RASA2: variants seen among roughly 807,000 people sequenced by gnomAD.
The protein encoded by RASA2 is RAS p21 protein activator 2.
RASA2 carries 155 observed loss-of-function variants against 118.2 expected under a neutral mutation model. The ratio of observed to expected loss-of-function variants is 1.31; its 90% CI spans 1.15 to 1.50. The LOEUF is 1.50. Among genes scored for constraint, RASA2 ranks in the 40% most tolerant of loss-of-function variants. RASA2 has a pLI of 0.00. For synonymous variants in RASA2, 353 were observed against 349.1 expected (o/e 1.01, Z -0.12); for missense variants, 1,016 against 1,009.6 (o/e 1.01, Z -0.09).
Position 141,592,425 on chromosome 3 carries a change from T to C in RASA2, c.1933+5673T>C, listed in dbSNP as rs767441169. 8.5e-5 allele frequency among the ~76,000 whole-genome samples: 13 copies of C among 152,206 alleles called. 1 individual carries two copies. The highest frequency in any genetic ancestry group is 1.9e-4 in the Non-Finnish European group (13 of 68,026). On this transcript the variant is annotated intron_variant, in intron 19 of 23. Transcript: ENST00000286364. ...ATAGGAACTAAGATCAAAAAGATCA[T>C]AGAAGTGCTAGATTTTATAGGACCT... is the stretch of plus-strand genomic sequence containing the variant.
At chr3:141,597,837 A>T (rs1283653918) in intron 19 of RASA2, among the ~76,000 whole-genome samples, 1 of 151,120 alleles carries the variant, frequency 6.6e-6, no homozygotes, top group Non-Finnish European at 1.5e-5. Flanking sequence ...GACTGATAAA[A>T]GAAAAAAAAA....
intron 17 of RASA2, among the ~76,000 whole-genome samples, chr3:141,584,020 AAAAAGAAGAAG>A (rs916427136): frequency 1.3e-5 from 2 of 152,134 alleles, no homozygotes; most frequent in African/African-American, 4.8e-5. Context: ...TAGATTAAAA[AAAAAGAAGAAG>A]AAAAGAAAAG....
At chr3:141,540,666 T>C (rs1359700514) in intron 5 of RASA2, 57 bp downstream of exon 5, 2 of 1,465,372 alleles carry the variant, frequency 1.4e-6, no homozygotes, top group African/African-American at 1.4e-5. Flanking sequence ...TTGTATTCTT[T>C]CGATTTTAAG....
chr3:141,612,348 A>C lies in RASA2; in HGVS notation c.*35A>C. The C allele has an allele frequency of 6.6e-7, 1 of 1,520,346 alleles. No homozygotes were observed. The highest frequency in any genetic ancestry group is 9.0e-7 in the Non-Finnish European group (1 of 1,113,116). 94.2% of individuals were successfully genotyped at this position (1,520,346 alleles called of 1,614,324 possible). ...GATTGGTTCAGAAGAACTGGAAAAT[A>C]TTATTTTTCTTGGAGCTTTTCAATT... On this transcript the variant is annotated 3_prime_UTR_variant, in exon 24 of 24. Coordinates refer to ENST00000286364, the MANE Select transcript of RASA2 (RefSeq NM_006506.5).
intron 17 of RASA2, among the ~76,000 whole-genome samples, chr3:141,585,033 G>C (rs955945592): frequency 5.3e-5 from 8 of 152,032 alleles, no homozygotes; most frequent in African/African-American, 1.9e-4. Flanking sequence ...TCAGATTAAG[G>C]ATGTTCAACC....
intron 5 of RASA2, among the ~76,000 whole-genome samples, chr3:141,541,738 T>A (rs2082407632): frequency 1.3e-5 from 2 of 152,258 alleles, no homozygotes; most frequent in South Asian, 2.1e-4. Flanking sequence ...GACATGTCTC[T>A]TTAATCTCCT....
At chr3:141,582,428 T>C (rs983592181) in intron 17 of RASA2, among the ~76,000 whole-genome samples, 1 of 152,228 alleles carries the variant, frequency 6.6e-6, no homozygotes, top group Admixed American at 6.5e-5. Flanking sequence ...CAGACTTTTA[T>C]TGGCAGGATT....
intron 9 of RASA2, among the ~76,000 whole-genome samples, chr3:141,566,192 A>G (rs1459162897): frequency 1.3e-5 from 2 of 152,248 alleles, no homozygotes; most frequent in African/African-American, 4.8e-5. Flanking sequence ...TAAAATTATC[A>G]TTTTGATGAT....
rs1460190561 is a variant in RASA2, at chr3:141,513,080, AC to A, written c.251+801del. Among the ~76,000 whole-genome samples, 792 of 147,380 alleles carry A rather than the reference AC, an allele frequency of 5.4e-3. 8 individuals carry two copies. Among genetic ancestry groups the A allele is most frequent in the African/African-American group, 0.02 (758 of 38,788 alleles). On this transcript the variant is annotated intron_variant, in intron 2 of 23. Transcript: ENST00000286364. The stretch of plus-strand genomic sequence containing the variant: ...CTCCATCTCAGAAAAAAAAAAAAAA[AC>A]AAAAAAACGAAAAACAGGGTGTGGG...
chr3:141,535,931 A>G (rs770661410), intron 4 of RASA2, among the ~76,000 whole-genome samples: 4 of 152,214 alleles, frequency 2.6e-5, no homozygotes, highest in Non-Finnish European at 4.4e-5. Context: ...ACCTCTGTTC[A>G]TCTTATTTTC....
At chr3:141,586,217 A>T in intron 18 of RASA2, 119 bp downstream of exon 18, 1 of 882,098 alleles carries the variant, frequency 1.1e-6, no homozygotes, top group Non-Finnish European at 1.7e-6. Flanking sequence ...GAACTGCCAA[A>T]ATTAGCAGTC....
At chr3:141,582,864 T>C (rs1185555448) in intron 17 of RASA2, among the ~76,000 whole-genome samples, 1 of 152,230 alleles carries the variant, frequency 6.6e-6, no homozygotes, top group African/African-American at 2.4e-5. Context: ...AACTGAATCA[T>C]ATGCTATTCC....
chr3:141,610,477 A>AAATATATATATATATATATATT, intron 23 of RASA2, among the ~76,000 whole-genome samples: 1 of 114,816 alleles, frequency 8.7e-6, no homozygotes, highest in Non-Finnish European at 1.6e-5. Context: ...TTATATATAT[A>AAATATATATATATATATATATT]AATATATATA....
chr3:141,497,846 T>G (rs1276668673), intron 1 of RASA2, among the ~76,000 whole-genome samples: 3 of 150,980 alleles, frequency 2.0e-5, no homozygotes. Flanking sequence ...CACTCCAGCC[T>G]GGGTGACAAA....
chr3:141,566,542 C>G (rs1288082577), intron 9 of RASA2, among the ~76,000 whole-genome samples: 1 of 152,096 alleles, frequency 6.6e-6, no homozygotes, highest in Non-Finnish European at 1.5e-5. Flanking sequence ...TGGATTCGAA[C>G]AAACTGTAGA....
chr3:141,517,086 T>C (rs1427114294), intron 3 of RASA2, among the ~76,000 whole-genome samples: 2 of 152,182 alleles, frequency 1.3e-5, no homozygotes, highest in South Asian at 2.1e-4. Context: ...GGACTCTTTC[T>C]TACGGAGCAC....
chr3:141,540,970 A>G (rs1421652078), intron 5 of RASA2, among the ~76,000 whole-genome samples: 1 of 152,108 alleles, frequency 6.6e-6, no homozygotes, highest in Non-Finnish European at 1.5e-5. Context: ...AGCTAGAACT[A>G]ATGCCCACTC....
intron 17 of RASA2, among the ~76,000 whole-genome samples, chr3:141,585,027 A>C (rs1273305992): frequency 2.6e-5 from 4 of 152,144 alleles, no homozygotes; most frequent in African/African-American, 9.7e-5. Context: ...GATTTTTCAG[A>C]TTAAGGATGT....
At position 141,614,634 on chromosome 3, in the gene RASA2, G is replaced by A. The variant is rs1264054667; in HGVS notation, c.*2321G>A. On this transcript the variant is annotated 3_prime_UTR_variant, in exon 24 of 24. Transcript: ENST00000286364. Reference sequence around the variant, plus strand: ...AAATTTGCCATAAATGCCGGTTCTGGTTCTTAGTTTAGCCATTTCCATCAG... The same window carrying A: ...AAATTTGCCATAAATGCCGGTTCTGATTCTTAGTTTAGCCATTTCCATCAG... 1 of 152,140 alleles carries A rather than the reference G, an allele frequency of 6.6e-6. No individual in the cohort carries two copies. Among genetic ancestry groups the A allele is most frequent in the East Asian group, 1.9e-4 (1 of 5,202 alleles). 9.4% of individuals were successfully genotyped at this position (152,140 alleles called of 1,614,324 possible).
Sources: gnomAD v4.1 joint callset for allele counts (sites outside exome capture counted in the v4.1 genomes callset) on GRCh38, gnomAD v4.1.1 for gene constraint, MANE v1.5 for transcripts, NCBI Gene and HGNC (gene_info 2026-07-23, HGNC 2026-07-21) for gene names.